The following SGCD variants were observed in gnomAD, a reference collection of about 807,000 sequenced individuals.
The protein encoded by SGCD is sarcoglycan delta.
Under a neutral mutation model 36.6 loss-of-function variants are expected in SGCD, and 18 were observed. That is an observed-to-expected ratio of 0.49 (90% CI 0.34 to 0.73). The LOEUF (loss-of-function observed/expected upper bound fraction) is 0.73. Ranked by LOEUF, SGCD falls within the 30% of genes least tolerant of loss-of-function variation. The pLI is 0.01. For synonymous variants in SGCD, 133 were observed against 130.6 expected (o/e 1.02, Z -0.12); for missense variants, 387 against 346.7 (o/e 1.12, Z -0.92).
intron 3 of SGCD, among the ~76,000 whole-genome samples, chr5:156,128,508 T>G (rs369924103): frequency 6.6e-6 from 1 of 152,208 alleles, no homozygotes; most frequent in African/African-American, 2.4e-5. Flanking sequence ...CTCTTACATA[T>G]TCATAAAGTA....
chr5:156,598,298 C>G (rs1761019706), intron 6 of SGCD, among the ~76,000 whole-genome samples: 1 of 152,136 alleles, frequency 6.6e-6, no homozygotes, highest in South Asian at 2.1e-4. Context: ...AATCCCAGCA[C>G]TTTGGGAGCC....
chr5:156,337,152 A>G (rs1403084602), intron 2 of SGCD, among the ~76,000 whole-genome samples: 1 of 152,212 alleles, frequency 6.6e-6, no homozygotes, highest in Non-Finnish European at 1.5e-5. Flanking sequence ...TGGCTAATGG[A>G]TTTCTATTTC....
chr5:156,488,148 TA>T (rs1473413986), intron 3 of SGCD, among the ~76,000 whole-genome samples: 1 of 75,134 alleles, frequency 1.3e-5, no homozygotes, highest in African/African-American at 4.2e-5. Flanking sequence ...AGACAAAAAA[TA>T]AAAAGAAAAC....
chr5:156,127,854 C>CAAAAAAAAAAAA (rs56822746), intron 3 of SGCD, among the ~76,000 whole-genome samples: 4 of 18,446 alleles, frequency 2.2e-4, no homozygotes, highest in Non-Finnish European at 3.9e-4. Context: ...AACATAAATG[C>CAAAAAAAAAAAA]AAAAAAAAAA....
the SGCD span, among the ~76,000 whole-genome samples, chr5:155,755,760 G>A: frequency 6.6e-6 from 1 of 152,100 alleles, no homozygotes; most frequent in Non-Finnish European, 1.5e-5. Flanking sequence ...CTCTTTTACA[G>A]GGATCTCTCC....
the SGCD span, among the ~76,000 whole-genome samples, chr5:155,754,990 C>A: frequency 6.6e-6 from 1 of 152,074 alleles, no homozygotes; most frequent in Non-Finnish European, 1.5e-5. Flanking sequence ...GGTGACGCAC[C>A]CATCAGCCAC....
intron 6 of SGCD, among the ~76,000 whole-genome samples, chr5:156,618,860 C>A (rs904828419): frequency 6.6e-6 from 1 of 152,110 alleles, no homozygotes; most frequent in Admixed American, 6.5e-5. Context: ...CCATCCCAAG[C>A]AGCATTGCCT....
At chr5:155,752,804 T>C in the SGCD span, among the ~76,000 whole-genome samples, 2 of 152,196 alleles carry the variant, frequency 1.3e-5, no homozygotes, top group African/African-American at 2.4e-5. Flanking sequence ...AGGAACCCCT[T>C]AAGCTTTTCA....
At chr5:156,610,350 G>A (rs140138767) in intron 6 of SGCD, among the ~76,000 whole-genome samples, 3,130 of 152,292 alleles carry the variant, frequency 0.021, 156 homozygotes, top group Admixed American at 0.12. Flanking sequence ...GGAGGCTGCA[G>A]AACAGCAGAT....
rs183402390 is a variant in SGCD, at chr5:156,360,753, G to A, written c.192+16076G>A. 1.9e-4 allele frequency among the ~76,000 whole-genome samples: 29 copies of A among 152,090 alleles called. No homozygotes were observed. The South Asian group carries it at 2.1e-3, about 11-fold the overall frequency. On this transcript the variant is annotated intron_variant, in intron 3 of 8. Coordinates refer to ENST00000337851, the MANE Select transcript of SGCD (RefSeq NM_000337.6). Reference sequence around the variant, plus strand: ...ACACAGCCTGACTTTGGGGGAAGACGACTCACCCTTCCCATCCCCTCTCCA... The same window carrying A: ...ACACAGCCTGACTTTGGGGGAAGACAACTCACCCTTCCCATCCCCTCTCCA...
chr5:156,491,601 A>C (rs374005972), intron 3 of SGCD, among the ~76,000 whole-genome samples: 1 of 152,184 alleles, frequency 6.6e-6, no homozygotes, highest in South Asian at 2.1e-4. Context: ...ATCATGTATC[A>C]ATGAAAATTT....
In SGCD at chr5:156,656,160, G is replaced by C. The variant is rs1029799191; in HGVS notation, c.575+8624G>C. On this transcript the variant is annotated intron_variant, in intron 7 of 8. Transcript: ENST00000337851. ...ATGTCTTTATAAAAGAATTCTTCAT[G>C]TTCACAGTCAGCTAATATGCTGATG... is the stretch of plus-strand genomic sequence containing the variant. Among the ~76,000 whole-genome samples the C allele has an allele frequency of 2.0e-5, 3 of 152,094 alleles. No homozygotes were observed. In the East Asian group the frequency reaches 5.8e-4, roughly 29 times the overall value.
chr5:155,735,106 A>G, the SGCD span, among the ~76,000 whole-genome samples: 5 of 152,350 alleles, frequency 3.3e-5, no homozygotes, highest in African/African-American at 7.2e-5. Context: ...AGCTAATTCT[A>G]TGTGGTTCAG....
intron 3 of SGCD, among the ~76,000 whole-genome samples, chr5:156,466,889 G>A (rs1194828715): frequency 6.6e-6 from 1 of 151,844 alleles, no homozygotes; most frequent in East Asian, 1.9e-4. Context: ...TTTTAATGAA[G>A]AAAGAGGCCA....
At chr5:155,735,363 T>C in the SGCD span, among the ~76,000 whole-genome samples, 1 of 152,222 alleles carries the variant, frequency 6.6e-6, no homozygotes, top group Non-Finnish European at 1.5e-5. Flanking sequence ...TCTAATTAGT[T>C]GCTCAGAAAG....
rs1762888375 is a variant in SGCD at position 156,153,948 on chromosome 5, C to A, written c.-44+29929C>A. On this transcript the variant is annotated intron_variant, in intron 3 of 9. Coordinates refer to the SGCD transcript ENST00000517913. The stretch of plus-strand genomic sequence containing the variant: ...TTTAAACAATTGGTAAGCATTGGAA[C>A]ACTTTTTGCACACGACATGTTACCT... 2.0e-5 allele frequency among the ~76,000 whole-genome samples: 3 copies of A among 151,642 alleles called. No homozygotes were observed. The South Asian group carries it at 6.2e-4, about 31-fold the overall frequency.
In SGCD at chr5:156,589,233, TA is replaced by T; in HGVS notation, c.299del (p.Asn100MetfsTer13). 6.4e-7 allele frequency: 1 copy of T among 1,552,940 alleles called. No homozygotes were observed. The highest frequency in any genetic ancestry group is 1.4e-5 in the African/African-American group (1 of 73,866). ...YAKEIQSRPGNALYFKSARNV... is the reference protein window; with the variant it reads ...YAKEIQSRPGXALYFKSARNV... ...TTTCTCTTATTTTCTTATTGCAGGG[TA>T]ATGCCCTGTACTTCAAGTCTGCCAG... On this transcript the variant is annotated frameshift_variant, in exon 5 of 9. Transcript: ENST00000337851. LOFTEE classifies it high-confidence loss of function.
rs571516834 is a variant in SGCD, at chr5:156,294,186, T to A, written c.-43-35348T>A. ...AAATGATTTTTGCATGTCGACTTTGTATCCTTTTACTTTATTGAATTTGTT... is the reference window on the plus strand; with the variant it reads ...AAATGATTTTTGCATGTCGACTTTGAATCCTTTTACTTTATTGAATTTGTT... On this transcript the variant is annotated intron_variant, in intron 3 of 9. Transcript: ENST00000517913. 1.3e-4 allele frequency among the ~76,000 whole-genome samples: 20 copies of A among 152,242 alleles called. No individual in the cohort carries two copies. In the South Asian group the frequency reaches 3.5e-3, roughly 27 times the overall value.
chr5:156,032,655 T>A (rs1444938553), intron 1 of SGCD, among the ~76,000 whole-genome samples: 2 of 134,306 alleles, frequency 1.5e-5, no homozygotes, highest in Non-Finnish European at 3.0e-5. Flanking sequence ...GAGGTGGAGC[T>A]TGTAGTGAGC....
Sources: allele counts gnomAD v4.1 joint callset (sites outside exome capture counted in the v4.1 genomes callset), GRCh38; gene constraint gnomAD v4.1.1; transcripts MANE v1.5; gene names NCBI Gene and HGNC (gene_info 2026-07-23, HGNC 2026-07-21).